The following TFCP2 variants were observed in gnomAD, a reference collection of about 807,000 sequenced individuals.
TFCP2 encodes transcription factor CP2, also known as alpha-globin transcription factor CP2.
Under a neutral mutation model 73.4 loss-of-function variants are expected in TFCP2, and 33 were observed. That is an observed-to-expected ratio of 0.45 (90% CI 0.34 to 0.60). The LOEUF is 0.60. TFCP2 is among the 20% of genes least tolerant of loss of function. The probability of loss-of-function intolerance (pLI) is 0.01; values close to 1 mark genes in which losing one functional copy is unlikely to be tolerated. For missense variants in TFCP2, 352 were observed against 604.0 expected, an observed-to-expected ratio of 0.58 and a Z score of 4.37; for synonymous variants, 193 against 211.6, an observed-to-expected ratio of 0.91 and a Z score of 0.76.
At chr12:51,151,773 A>G (rs570856957) in intron 1 of TFCP2, among the ~76,000 whole-genome samples, 7 of 152,320 alleles carry the variant, frequency 4.6e-5, no homozygotes, top group Non-Finnish European at 8.8e-5. Context: ...AGTGCAAGTC[A>G]TTTTGAAGGG....
At chr12:51,134,838 T>C (rs1592817113) in intron 1 of TFCP2, among the ~76,000 whole-genome samples, 2 of 152,330 alleles carry the variant, frequency 1.3e-5, no homozygotes, top group East Asian at 3.9e-4. Flanking sequence ...GGTTGGGCAC[T>C]GTGCCTCATG....
At chr12:51,130,515 T>A (rs1940917936) in intron 1 of TFCP2, among the ~76,000 whole-genome samples, 1 of 151,936 alleles carries the variant, frequency 6.6e-6, no homozygotes, top group African/African-American at 2.4e-5. Context: ...AGGGATCCTA[T>A]TTATTATTAG....
At chr12:51,104,367 A>C (rs1236530369) in intron 8 of TFCP2, among the ~76,000 whole-genome samples, 164 bp from the exon 9 acceptor site, 1 of 152,210 alleles carries the variant, frequency 6.6e-6, no homozygotes, top group African/African-American at 2.4e-5. Context: ...ATTTTCTATT[A>C]GTTTAACCTA....
At chr12:51,161,011 G>C (rs867920100) in intron 1 of TFCP2, among the ~76,000 whole-genome samples, 1 of 152,114 alleles carries the variant, frequency 6.6e-6, no homozygotes, top group Non-Finnish European at 1.5e-5. Flanking sequence ...GCACACCCCC[G>C]ACTGAAGTTG....
chr12:51,099,784 G>C lies in TFCP2; in HGVS notation c.1152-5C>G, dbSNP rs1271978645. On this transcript the variant is annotated splice_polypyrimidine_tract_variant and splice_region_variant and intron_variant, in intron 11 of 14. Transcript: ENST00000257915. ...GTTAACCTTGGACGCACCATCCTAA[G>C]GGGAGGAAAAAGGCTAATTAGTCTT... 1.2e-6 allele frequency: 2 copies of C among 1,613,196 alleles called. No homozygotes were observed. The highest frequency in any genetic ancestry group is 1.7e-6 in the Non-Finnish European group (2 of 1,179,456).
intron 1 of TFCP2, among the ~76,000 whole-genome samples, chr12:51,156,669 C>G (rs1276547661): frequency 6.6e-6 from 1 of 152,152 alleles, no homozygotes; most frequent in Non-Finnish European, 1.5e-5. Flanking sequence ...AATTCACCAG[C>G]GAAGTCATCA....
At chr12:51,136,990 G>A (rs1354218664) in intron 1 of TFCP2, among the ~76,000 whole-genome samples, 1 of 152,052 alleles carries the variant, frequency 6.6e-6, no homozygotes, top group Admixed American at 6.6e-5. Context: ...TGGATTTTAT[G>A]CTGTCCCTGA....
At chr12:51,158,882 G>A (rs917162021) in intron 1 of TFCP2, among the ~76,000 whole-genome samples, 3 of 151,176 alleles carry the variant, frequency 2.0e-5, no homozygotes, top group Admixed American at 1.3e-4. Context: ...CCTGGACATC[G>A]GCCAGGTGCG....
chr12:51,135,118 AAAAAAAAC>A lies in TFCP2; in HGVS notation c.123-16354_123-16347del, dbSNP rs1167252103. On this transcript the variant is annotated intron_variant, in intron 1 of 14. Coordinates refer to ENST00000257915, the MANE Select transcript of TFCP2 (RefSeq NM_005653.5). ...GAGTGAGACTGTCTCAAAAAGAAAAAAAAAAAACAAAAAACCTACAATTCAGGGCCAGG... is the reference window on the plus strand; with the variant it reads ...GAGTGAGACTGTCTCAAAAAGAAAAAAAAAAACCTACAATTCAGGGCCAGG... 2.0e-5 allele frequency among the ~76,000 whole-genome samples: 3 copies of A among 151,464 alleles called. No homozygotes were observed. The South Asian group carries it at 6.3e-4, about 32-fold the overall frequency.
intron 1 of TFCP2, among the ~76,000 whole-genome samples, chr12:51,130,960 C>T (rs1210003257): frequency 1.3e-5 from 2 of 151,742 alleles, no homozygotes; most frequent in South Asian, 4.2e-4. Context: ...TGCACTCCAG[C>T]CTGGGTGACA....
chr12:51,104,799 C>T (rs1940189980), intron 8 of TFCP2, among the ~76,000 whole-genome samples: 1 of 151,378 alleles, frequency 6.6e-6, no homozygotes, highest in Non-Finnish European at 1.5e-5. Flanking sequence ...GCAACCTCTG[C>T]CTCCCGGGTT....
chr12:51,161,446 C>T (rs11169725), intron 1 of TFCP2, among the ~76,000 whole-genome samples: 12,875 of 151,484 alleles, frequency 0.085, 1,770 homozygotes, highest in African/African-American at 0.29. Context: ...TTTGGGAGGC[C>T]GAGGTGGGTG....
At chr12:51,139,941 G>T (rs1224018284) in intron 1 of TFCP2, among the ~76,000 whole-genome samples, 1 of 151,954 alleles carries the variant, frequency 6.6e-6, no homozygotes, top group East Asian at 1.9e-4. Flanking sequence ...ATTAAATACT[G>T]GATTTACAAA....
intron 1 of TFCP2, among the ~76,000 whole-genome samples, chr12:51,120,277 C>A (rs1209750975): frequency 6.6e-6 from 1 of 150,430 alleles, no homozygotes; most frequent in African/African-American, 2.5e-5. Flanking sequence ...GATGTACAAA[C>A]CATGGTATAT....
At chr12:51,158,304 C>G (rs1413397506) in intron 1 of TFCP2, among the ~76,000 whole-genome samples, 1 of 152,118 alleles carries the variant, frequency 6.6e-6, no homozygotes, top group Non-Finnish European at 1.5e-5. Context: ...AGCCACCATG[C>G]CTGGCCTCCA....
intron 13 of TFCP2, 79 bp from the exon 14 acceptor site, chr12:51,096,119 C>A: frequency 1.8e-6 from 2 of 1,132,650 alleles, no homozygotes; most frequent in East Asian, 2.4e-5. Flanking sequence ...AGGACTACCC[C>A]ACATCCAGAG....
chr12:51,142,629 T>C (rs1440118516), intron 1 of TFCP2, among the ~76,000 whole-genome samples: 2 of 152,190 alleles, frequency 1.3e-5, no homozygotes, highest in Non-Finnish European at 1.5e-5. Flanking sequence ...TCCCAATACA[T>C]GTACCATCAA....
chr12:51,124,425 T>TC (rs1366194427), intron 1 of TFCP2, among the ~76,000 whole-genome samples: 4 of 150,920 alleles, frequency 2.7e-5, no homozygotes, highest in Non-Finnish European at 5.9e-5. Flanking sequence ...TTCTTCTTCT[T>TC]TTTTTTTTAA....
chr12:51,112,829 T>A (rs1369033412), intron 4 of TFCP2, among the ~76,000 whole-genome samples: 1 of 149,614 alleles, frequency 6.7e-6, no homozygotes. Context: ...ATCATGCCAT[T>A]GTACTCCAGC....
Sources: allele counts gnomAD v4.1 joint callset (sites outside exome capture counted in the v4.1 genomes callset), GRCh38; gene constraint gnomAD v4.1.1; transcripts MANE v1.5; gene names NCBI Gene and HGNC (gene_info 2026-07-23, HGNC 2026-07-21).